The following GABRG3 variants were observed in gnomAD, a reference collection of about 807,000 sequenced individuals.
GABRG3 encodes gamma-aminobutyric acid type A receptor subunit gamma3, also known as gamma-aminobutyric acid receptor subunit gamma-3.
Under a neutral mutation model 48.8 loss-of-function variants are expected in GABRG3, and 25 were observed. That is an observed-to-expected ratio of 0.51 (90% CI 0.37 to 0.72). GABRG3 has a LOEUF of 0.72. GABRG3 is among the 30% of genes least tolerant of loss of function. GABRG3 has a pLI of 0.00. For missense variants in GABRG3, 394 were observed against 577.9 expected, an observed-to-expected ratio of 0.68 and a Z score of 3.26; for synonymous variants, 227 against 217.6, an observed-to-expected ratio of 1.04 and a Z score of -0.38.
At chr15:27,336,230 G>A (rs1193967674) in intron 5 of GABRG3, among the ~76,000 whole-genome samples, 5 of 135,100 alleles carry the variant, frequency 3.7e-5, no homozygotes, top group African/African-American at 1.4e-4. Flanking sequence ...GAGAGAGAGA[G>A]AGAGGAGAAG....
intron 3 of GABRG3, among the ~76,000 whole-genome samples, chr15:27,286,233 G>A (rs1296115814): frequency 6.6e-6 from 1 of 152,164 alleles, no homozygotes; most frequent in Non-Finnish European, 1.5e-5. Flanking sequence ...TTACATGCAG[G>A]GCACTGTTTG....
intron 5 of GABRG3, among the ~76,000 whole-genome samples, chr15:27,384,290 A>G (rs181465208): frequency 6.6e-6 from 1 of 152,316 alleles, no homozygotes; most frequent in Admixed American, 6.5e-5. Context: ...GATTAAATGC[A>G]AATCATTGTG....
At position 27,236,548 on chromosome 15, in the gene GABRG3, C is replaced by T. The variant is rs1017039694; in HGVS notation, c.271-90261C>T. 2.0e-5 allele frequency among the ~76,000 whole-genome samples: 3 copies of T among 152,198 alleles called. No individual in the cohort carries two copies. The highest frequency in any genetic ancestry group is 7.2e-5 in the African/African-American group (3 of 41,440). On this transcript the variant is annotated intron_variant, in intron 3 of 9. Transcript: ENST00000615808. This position sits in a 1 kb window ranked among gnomAD's most constrained non-coding sequence, Gnocchi z 4.4. Reference sequence around the variant, plus strand: ...AGAAATGAACAACTTATCCCTTTATCGCCCTTAGCCAGTCACCTGAGGCCA... The same window carrying T: ...AGAAATGAACAACTTATCCCTTTATTGCCCTTAGCCAGTCACCTGAGGCCA...
At chr15:26,986,668 C>CT (rs1419600891) in intron 2 of GABRG3, among the ~76,000 whole-genome samples, 2 of 152,174 alleles carry the variant, frequency 1.3e-5, no homozygotes, top group Non-Finnish European at 2.9e-5. Context: ...GTTTCAGCAT[C>CT]TAAGTATTTT....
At chr15:26,986,158 A>G (rs1895147658) in intron 2 of GABRG3, among the ~76,000 whole-genome samples, 1 of 152,224 alleles carries the variant, frequency 6.6e-6, no homozygotes, top group South Asian at 2.1e-4. Flanking sequence ...CCCACCGTGC[A>G]TACAAATGAC....
At position 27,131,167 on chromosome 15, in the gene GABRG3, C is replaced by T. The variant is rs138403618; in HGVS notation, c.270+104346C>T. 5.8e-3 allele frequency among the ~76,000 whole-genome samples: 880 copies of T among 152,098 alleles called. 8 individuals carry two copies. The highest frequency in any genetic ancestry group is 0.02 in the African/African-American group (850 of 41,516). On this transcript the variant is annotated intron_variant, in intron 3 of 9. Transcript: ENST00000615808. ...TCACTATTGAATGTGATGTTGCCAGCGGGTTTTTATACATGGCTTTTATTG... is the reference window on the plus strand; with the variant it reads ...TCACTATTGAATGTGATGTTGCCAGTGGGTTTTTATACATGGCTTTTATTG...
chr15:27,248,509 A>T (rs1339759010), intron 3 of GABRG3, among the ~76,000 whole-genome samples: 1 of 152,164 alleles, frequency 6.6e-6, no homozygotes, highest in Admixed American at 6.5e-5. Context: ...CCAGGCAAAG[A>T]ACTACAGTAA....
intron 6 of GABRG3, among the ~76,000 whole-genome samples, chr15:27,502,875 G>A (rs1156910402): frequency 3.3e-5 from 5 of 152,246 alleles, no homozygotes; most frequent in Non-Finnish European, 7.3e-5. Flanking sequence ...CCATGGAGTT[G>A]GGGTGCGCCA....
At chr15:27,270,979 A>G (rs917032898) in intron 3 of GABRG3, among the ~76,000 whole-genome samples, 1 of 152,240 alleles carries the variant, frequency 6.6e-6, no homozygotes, top group Non-Finnish European at 1.5e-5. Flanking sequence ...ATGGGTGGCC[A>G]GGAAGAAACA....
At position 27,256,659 on chromosome 15, in the gene GABRG3, C is replaced by T. The variant is rs868807001; in HGVS notation, c.271-70150C>T. Among the ~76,000 whole-genome samples, 3 of 152,092 alleles carry T rather than the reference C, an allele frequency of 2.0e-5. No individual in the cohort carries two copies. In the South Asian group the frequency reaches 6.2e-4, roughly 32 times the overall value. The stretch of plus-strand genomic sequence containing the variant: ...TTAACAAAACGTGGTCAGTTGTTTA[C>T]ATACGTCTTCTTTAACCCCAGGTTA... On this transcript the variant is annotated intron_variant, in intron 3 of 9. Coordinates refer to ENST00000615808, the MANE Select transcript of GABRG3 (RefSeq NM_033223.5).
At chr15:27,354,192 C>T (rs1047877190) in intron 5 of GABRG3, among the ~76,000 whole-genome samples, 7 of 152,128 alleles carry the variant, frequency 4.6e-5, no homozygotes, top group Admixed American at 3.3e-4. Context: ...TTTATCAAGC[C>T]CAGGTAGCAT....
chr15:27,459,446 A>G (rs1595768103), intron 5 of GABRG3, among the ~76,000 whole-genome samples: 1 of 152,248 alleles, frequency 6.6e-6, no homozygotes, highest in East Asian at 1.9e-4. Flanking sequence ...GGGAAACAGC[A>G]TTGTGCCTGT....
chr15:27,283,544 C>G (rs1185533956), intron 3 of GABRG3, among the ~76,000 whole-genome samples: 3 of 152,170 alleles, frequency 2.0e-5, no homozygotes, highest in African/African-American at 7.2e-5. Flanking sequence ...GCCGCAGTTG[C>G]AGTGGGCAGA....
chr15:27,367,181 T>A (rs62001339), intron 5 of GABRG3, among the ~76,000 whole-genome samples: 2,165 of 152,282 alleles, frequency 0.014, 33 homozygotes, highest in South Asian at 0.06. Flanking sequence ...CTGGAGCTGC[T>A]CACTACCTCC....
chr15:27,409,583 C>G (rs557154235), intron 5 of GABRG3, among the ~76,000 whole-genome samples: 99 of 152,242 alleles, frequency 6.5e-4, no homozygotes, highest in African/African-American at 2.3e-3. Context: ...ATTCCTCTAC[C>G]TTTCCATATA....
At position 27,475,675 on chromosome 15, in the gene GABRG3, T is replaced by A. The variant is rs1411856889; in HGVS notation, c.575-4975T>A. Among the ~76,000 whole-genome samples the A allele has an allele frequency of 2.6e-5, 4 of 152,080 alleles. No individual in the cohort carries two copies. The East Asian group carries it at 7.8e-4, about 30-fold the overall frequency. On this transcript the variant is annotated intron_variant, in intron 5 of 9. Coordinates refer to ENST00000615808, the MANE Select transcript of GABRG3 (RefSeq NM_033223.5). The stretch of plus-strand genomic sequence containing the variant: ...GTGATGATGTTGGTGATAGTAATCA[T>A]GTTGGTGGTGTTGGTGATGATGATG...
In GABRG3 at chr15:27,509,335, T is replaced by C. The variant is rs566068737; in HGVS notation, c.713-10637T>C. Among the ~76,000 whole-genome samples the C allele has an allele frequency of 2.5e-5, 3 of 119,642 alleles. No homozygotes were observed. In the South Asian group the frequency reaches 7.9e-4, roughly 31 times the overall value. 78.5% of individuals were successfully genotyped at this position (119,642 alleles called of 152,430 possible). A position where few individuals can be genotyped will look rare whatever the true frequency, so the allele number is the denominator to read the frequency against. On this transcript the variant is annotated intron_variant, in intron 6 of 9. Coordinates refer to ENST00000615808, the MANE Select transcript of GABRG3 (RefSeq NM_033223.5). Reference sequence around the variant, plus strand: ...TGTAGTTGGGGGGTTTGTTATTTGTTTGTTTTCTTTTGATTCTGGCTGATA... The same window carrying C: ...TGTAGTTGGGGGGTTTGTTATTTGTCTGTTTTCTTTTGATTCTGGCTGATA...
At position 27,263,295 on chromosome 15, in the gene GABRG3, C is replaced by G. The variant is rs116231293; in HGVS notation, c.271-63514C>G. Among the ~76,000 whole-genome samples, 692 of 152,298 alleles carry G rather than the reference C, an allele frequency of 4.5e-3. 5 individuals carry two copies. Among genetic ancestry groups the G allele is most frequent in the African/African-American group, 0.016 (667 of 41,566 alleles). ...GTTTAGTGATCCATTGATCTCAACC[C>G]CTGTGGTCAGTCATCTGTAAACTGT... On this transcript the variant is annotated intron_variant, in intron 3 of 9. Coordinates refer to ENST00000615808, the MANE Select transcript of GABRG3 (RefSeq NM_033223.5).
intron 5 of GABRG3, among the ~76,000 whole-genome samples, chr15:27,331,502 A>G (rs575768283): frequency 6.6e-6 from 1 of 152,348 alleles, no homozygotes; most frequent in South Asian, 2.1e-4. Context: ...AAAAGGCTGC[A>G]TACTCTGATT....
Sources: gnomAD v4.1 joint callset for allele counts (sites outside exome capture counted in the v4.1 genomes callset) on GRCh38, gnomAD v4.1.1 for gene constraint, Gnocchi (gnomAD v3.1) non-coding constraint, MANE v1.5 for transcripts, NCBI Gene and HGNC (gene_info 2026-07-23, HGNC 2026-07-21) for gene names.